The following ROBO2 variants were observed in gnomAD, a reference collection of about 807,000 sequenced individuals.
The protein encoded by ROBO2 is roundabout guidance receptor 2.
Under a neutral mutation model 160.8 loss-of-function variants are expected in ROBO2, and 53 were observed. The observed-to-expected ratio is 0.33, with a 90% CI of 0.26 to 0.41. ROBO2 has a LOEUF of 0.41. Among genes scored for constraint, ROBO2 ranks in the 10% least tolerant of loss-of-function variants. The pLI is 1.00. For missense variants in ROBO2, 1,577 were observed against 1,722.4 expected, an observed-to-expected ratio of 0.92 and a Z score of 1.49; for synonymous variants, 664 against 611.7, an observed-to-expected ratio of 1.09 and a Z score of -1.26.
At chr3:77,378,857 C>T (rs1036302721) in intron 2 of ROBO2, among the ~76,000 whole-genome samples, 3 of 151,980 alleles carry the variant, frequency 2.0e-5, no homozygotes, top group Non-Finnish European at 4.4e-5. Flanking sequence ...CGTGTTTCTT[C>T]GGTAAAGTCT....
intron 2 of ROBO2, among the ~76,000 whole-genome samples, chr3:77,001,113 A>G (rs2061315956): frequency 6.6e-6 from 1 of 152,172 alleles, no homozygotes; most frequent in African/African-American, 2.4e-5. Flanking sequence ...CAAAGAAGCA[A>G]CAGTATAGTT....
At chr3:75,911,279 G>C (rs989088932) in intron 1 of ROBO2, among the ~76,000 whole-genome samples, 8 of 152,022 alleles carry the variant, frequency 5.3e-5, no homozygotes, top group Non-Finnish European at 1.2e-4. Context: ...TGATGTACAC[G>C]ATCTATTACA....
intron 2 of ROBO2, among the ~76,000 whole-genome samples, chr3:76,891,962 A>G (rs929755768): frequency 6.6e-6 from 1 of 152,164 alleles, no homozygotes; most frequent in African/African-American, 2.4e-5. Flanking sequence ...CAGATCGGAC[A>G]AATTTAGCAA....
chr3:76,373,887 T>C (rs572840875), intron 2 of ROBO2, among the ~76,000 whole-genome samples: 7 of 152,068 alleles, frequency 4.6e-5, no homozygotes, highest in Admixed American at 2.0e-4. Context: ...TCATGGGCCA[T>C]GATATCTGAA....
In ROBO2 at chr3:76,970,997, C is replaced by T. The variant is rs932258584; in HGVS notation, c.110-127017C>T. Among the ~76,000 whole-genome samples the T allele has an allele frequency of 5.9e-5, 9 of 152,074 alleles. No homozygotes were observed. The East Asian group carries it at 1.7e-3, about 29-fold the overall frequency. ...CTTCGATTAATATTACATATTTAGCCTATGTGCCAGAATTCAAGTTCATAT... is the reference window on the plus strand; with the variant it reads ...CTTCGATTAATATTACATATTTAGCTTATGTGCCAGAATTCAAGTTCATAT... On this transcript the variant is annotated intron_variant, in intron 2 of 26. Coordinates refer to the ROBO2 transcript ENST00000487694.
chr3:77,199,861 C>T (rs2082668297), intron 2 of ROBO2, among the ~76,000 whole-genome samples: 1 of 151,496 alleles, frequency 6.6e-6, no homozygotes, highest in Admixed American at 6.6e-5. Flanking sequence ...CTCCTGTGCT[C>T]AAGTGATCCT....
intron 1 of ROBO2, among the ~76,000 whole-genome samples, chr3:75,909,320 T>C (rs965188513): frequency 6.6e-6 from 1 of 152,184 alleles, no homozygotes; most frequent in South Asian, 2.1e-4. Flanking sequence ...GGAGCTTTTG[T>C]GTGTCTATGC....
intron 2 of ROBO2, among the ~76,000 whole-genome samples, chr3:76,144,552 T>G (rs2071814444): frequency 6.6e-6 from 1 of 152,040 alleles, no homozygotes; most frequent in Admixed American, 6.6e-5. Flanking sequence ...GTGAATTAAT[T>G]ATAGGTTTTA....
chr3:76,621,612 T>C (rs922977328), intron 2 of ROBO2, among the ~76,000 whole-genome samples: 4 of 152,176 alleles, frequency 2.6e-5, no homozygotes, highest in Non-Finnish European at 5.9e-5. Context: ...TCCTCATCTG[T>C]AAATGAAAAT....
At chr3:77,023,987 G>C (rs2062797261) in intron 2 of ROBO2, among the ~76,000 whole-genome samples, 1 of 152,154 alleles carries the variant, frequency 6.6e-6, no homozygotes, top group Non-Finnish European at 1.5e-5. Context: ...AATGCTTCAA[G>C]TATAAAAATG....
At chr3:77,066,828 C>T (rs980627997) in intron 1 of ROBO2, among the ~76,000 whole-genome samples, 1 of 152,110 alleles carries the variant, frequency 6.6e-6, no homozygotes, top group Non-Finnish European at 1.5e-5. Flanking sequence ...AATTATCCTT[C>T]TATTTTCTCC....
intron 2 of ROBO2, among the ~76,000 whole-genome samples, chr3:76,973,872 A>G (rs966264791): frequency 6.6e-6 from 1 of 152,186 alleles, no homozygotes; most frequent in Admixed American, 6.5e-5. Flanking sequence ...GGCTTTGACT[A>G]CATCTGATAA....
intron 1 of ROBO2, among the ~76,000 whole-genome samples, chr3:77,091,900 A>G (rs957794840): frequency 6.6e-6 from 1 of 151,880 alleles, no homozygotes; most frequent in African/African-American, 2.4e-5. Context: ...GAATCGCTTC[A>G]ACCTGGGAGA....
chr3:77,412,964 C>T (rs1315015391), intron 2 of ROBO2, among the ~76,000 whole-genome samples: 1 of 152,102 alleles, frequency 6.6e-6, no homozygotes, highest in Non-Finnish European at 1.5e-5. Flanking sequence ...TGCCTGTAAT[C>T]CCAGCGCTTT....
At chr3:77,634,996 T>G in exon 24 of ROBO2, 1 of 1,614,146 alleles carries the variant, frequency 6.2e-7, no homozygotes, top group South Asian at 1.1e-5. Flanking sequence ...GGAGGGCGGA[T>G]GGACCAACAA....
chr3:77,084,767 AT>A (rs1370142068), intron 1 of ROBO2, among the ~76,000 whole-genome samples: 2 of 152,262 alleles, frequency 1.3e-5, no homozygotes, highest in African/African-American at 4.8e-5. Context: ...GACTCAAGGA[AT>A]TGAGACTCAT....
chr3:76,261,758 A>AT (rs1446234943), intron 2 of ROBO2, among the ~76,000 whole-genome samples: 1 of 152,026 alleles, frequency 6.6e-6, no homozygotes, highest in Non-Finnish European at 1.5e-5. Context: ...ATTAGAATGT[A>AT]TTTTTCATGC....
rs903561745 is a variant in ROBO2 at position 77,316,850 on chromosome 3, G to C, written c.389-160564G>C. ...GACAGTGTCAGTTTGATACCTGGCT[G>C]CAGGGTCTGAGTGTATCCTAAACCT... On this transcript the variant is annotated intron_variant, in intron 2 of 25. Transcript: ENST00000461745. 5 of 1,224,536 alleles carry C rather than the reference G, an allele frequency of 4.1e-6. No individual in the cohort carries two copies. In the African/African-American group the frequency reaches 7.4e-5, roughly 18 times the overall value. The allele number at this position is 1,224,536 out of a possible 1,614,324, so 75.9% of individuals were successfully genotyped here.
intron 2 of ROBO2, among the ~76,000 whole-genome samples, chr3:77,386,638 C>T (rs1268325093): frequency 3.8e-4 from 21 of 55,366 alleles, no homozygotes; most frequent in Non-Finnish European, 2.4e-4. Flanking sequence ...AGCCTCGCTC[C>T]GTCACCCAGG....
Sources: gnomAD v4.1 joint callset for allele counts (sites outside exome capture counted in the v4.1 genomes callset) on GRCh38, gnomAD v4.1.1 for gene constraint, MANE v1.5 for transcripts, NCBI Gene and HGNC (gene_info 2026-07-23, HGNC 2026-07-21) for gene names.